The following PCDHA7 variants were observed in gnomAD, a reference collection of about 807,000 sequenced individuals.
PCDHA7 encodes the protein protocadherin alpha-7.
Under a neutral mutation model 57.2 loss-of-function variants are expected in PCDHA7, and 37 were observed. That is an observed-to-expected ratio of 0.65 (90% CI 0.50 to 0.85). PCDHA7 has a LOEUF of 0.85. Among genes scored for constraint, PCDHA7 ranks in the 40% least tolerant of loss-of-function variants. The pLI is 0.00. For synonymous variants in PCDHA7, 553 were observed against 558.8 expected (o/e 0.99, Z 0.15); for missense variants, 1,188 against 1,241.8 (o/e 0.96, Z 0.65).
chr5:140,888,712 A>G (rs567823119), intron 1 of PCDHA7, among the ~76,000 whole-genome samples: 34 of 152,168 alleles, frequency 2.2e-4, no homozygotes, highest in Non-Finnish European at 4.1e-4. Flanking sequence ...GGAATGTGAA[A>G]TATTTCCAGC....
chr5:140,871,436 G>A, intron 1 of PCDHA7: 1 of 1,612,324 alleles, frequency 6.2e-7, no homozygotes, highest in East Asian at 2.2e-5. Context: ...CTTCCTCTAG[G>A]TCTGAATAAA....
intron 1 of PCDHA7, among the ~76,000 whole-genome samples, chr5:140,899,982 A>AT (rs1290251020): frequency 2.0e-5 from 3 of 150,600 alleles, no homozygotes; most frequent in African/African-American, 4.9e-5. Context: ...TACTTTTTTG[A>AT]TTTTTTTTGT....
rs539970308 is a variant in PCDHA7 at position 140,890,959 on chromosome 5, G to GGTTTT, written c.2355+54227_2355+54231dup. 2.6e-4 allele frequency among the ~76,000 whole-genome samples: 40 copies of GGTTTT among 152,148 alleles called. 1 individual carries two copies. In the South Asian group the frequency reaches 8.1e-3, roughly 31 times the overall value. On this transcript the variant is annotated intron_variant, in intron 1 of 3. Transcript: ENST00000525929. ...AAGATGCTGGTGAGGAATGATTTCAGGTTTTGTTTTTCTGAAAATGTCTTT... is the reference window on the plus strand; with the variant it reads ...AAGATGCTGGTGAGGAATGATTTCAGGTTTTGTTTTGTTTTTCTGAAAATGTCTTT...
intron 1 of PCDHA7, among the ~76,000 whole-genome samples, chr5:140,921,833 T>C (rs1228666561): frequency 1.3e-5 from 2 of 152,094 alleles, no homozygotes; most frequent in Admixed American, 6.6e-5. Flanking sequence ...TATACACATA[T>C]AGACATATTT....
chr5:140,836,466 G>C lies in PCDHA7; in HGVS notation c.2083G>C (p.Asp695His), dbSNP rs1554135989. ...GIAGPETELV[D>H]VNVYLIIAIC... is the part of the protein sequence containing the mutation. The stretch of plus-strand genomic sequence containing the variant: ...TGCAGGCCCAGAGACCGAGCTGGTG[G>C]ATGTCAACGTGTACCTGATCATCGC... The change falls in exon 1 of 4, where the codon GAT (aspartate) becomes CAT (histidine). Residue 695 changes from aspartate (D) to histidine (H), a missense_variant. This residue lies in a region of PCDHA7 where 892 missense variants were observed against 788.5 expected (regional missense o/e 1.13). Coordinates refer to ENST00000525929, the MANE Select transcript of PCDHA7 (RefSeq NM_018910.3). 1.2e-6 allele frequency: 2 copies of C among 1,613,862 alleles called. No homozygotes were observed. Among genetic ancestry groups the C allele is most frequent in the Non-Finnish European group, 1.7e-6 (2 of 1,179,872 alleles).
intron 1 of PCDHA7, chr5:140,854,677 A>G (rs1450428296): frequency 6.7e-6 from 1 of 150,054 alleles, no homozygotes; most frequent in African/African-American, 2.4e-5. Context: ...CATAAGACCA[A>G]TATGTCTGTT....
At chr5:140,871,521 CA>C in intron 1 of PCDHA7, 1 of 1,553,236 alleles carries the variant, frequency 6.4e-7, no homozygotes, top group Non-Finnish European at 8.7e-7. Context: ...TTCCACCTAT[CA>C]GGAAGTGTAT....
intron 1 of PCDHA7, chr5:140,875,896 G>C (rs1183868015): frequency 6.2e-7 from 1 of 1,614,078 alleles, no homozygotes; most frequent in African/African-American, 1.3e-5. Context: ...AAAGGTACCT[G>C]TTTCTGAATC....
chr5:140,983,746 T>A (rs1206745225), intron 3 of PCDHA7, among the ~76,000 whole-genome samples: 2 of 152,228 alleles, frequency 1.3e-5, no homozygotes, highest in East Asian at 3.8e-4. Flanking sequence ...CTTGCAATAA[T>A]CCATTCAAAT....
At chr5:140,905,130 G>A (rs2071615464) in intron 1 of PCDHA7, among the ~76,000 whole-genome samples, 1 of 152,178 alleles carries the variant, frequency 6.6e-6, no homozygotes, top group African/African-American at 2.4e-5. Flanking sequence ...GTCTAGAAGA[G>A]TTTTTCTGCT....
At chr5:140,867,183 G>A (rs1035791499) in intron 1 of PCDHA7, 3 of 151,946 alleles carry the variant, frequency 2.0e-5, no homozygotes, top group Non-Finnish European at 4.4e-5. Flanking sequence ...TCCCTACCTC[G>A]CAAGACTCCA....
chr5:140,929,480 G>C, intron 1 of PCDHA7: 1 of 1,195,420 alleles, frequency 8.4e-7, no homozygotes, highest in Non-Finnish European at 1.1e-6. Context: ...TGGAAGTATA[G>C]AAGTATTAGA....
rs2098423382 is a variant in PCDHA7, at chr5:141,012,241, T to C, written c.*2304T>C. On this transcript the variant is annotated 3_prime_UTR_variant, in exon 4 of 4. Coordinates refer to ENST00000525929, the MANE Select transcript of PCDHA7 (RefSeq NM_018910.3). ...GTGCTTTCCAATCCATGTTAGTTAC[T>C]AGTTATTACAGCTGTAAGGATAAAA... 6.5e-6 allele frequency: 1 copy of C among 153,802 alleles called. No homozygotes were observed. The highest frequency in any genetic ancestry group is 6.5e-5 in the Admixed American group (1 of 15,284). The allele number at this position is 153,802 out of a possible 1,614,324, so 9.5% of individuals were successfully genotyped here.
In PCDHA7 at chr5:140,843,235, C is replaced by G. The variant is rs2150355590; in HGVS notation, c.2355+6497C>G. On this transcript the variant is annotated intron_variant, in intron 1 of 3. Coordinates refer to ENST00000525929, the MANE Select transcript of PCDHA7 (RefSeq NM_018910.3). ...AGATCAGCACCACTCGTGTCCTGGACGAAGCGGACTCTCCGCGCCACCGTC... is the reference window on the plus strand; with the variant it reads ...AGATCAGCACCACTCGTGTCCTGGAGGAAGCGGACTCTCCGCGCCACCGTC... 1.0e-5 allele frequency: 16 copies of G among 1,595,840 alleles called. 2 individuals are homozygous for G. The African/African-American group carries it at 1.2e-4, about 12-fold the overall frequency.
chr5:140,993,012 C>G (rs1307637137), intron 3 of PCDHA7, among the ~76,000 whole-genome samples: 2 of 152,198 alleles, frequency 1.3e-5, no homozygotes, highest in Admixed American at 1.3e-4. Context: ...CCCCAGAGTC[C>G]AGCATCCCCT....
intron 3 of PCDHA7, among the ~76,000 whole-genome samples, chr5:140,996,043 C>T (rs1282990779): frequency 6.6e-6 from 1 of 152,202 alleles, no homozygotes; most frequent in Non-Finnish European, 1.5e-5. Context: ...GCACTTAACA[C>T]AGTGCTTGGC....
At chr5:140,885,832 T>C (rs888778134) in intron 1 of PCDHA7, among the ~76,000 whole-genome samples, 1 of 152,244 alleles carries the variant, frequency 6.6e-6, no homozygotes, top group South Asian at 2.1e-4. Flanking sequence ...TTCTTTGATT[T>C]ATCCATTAAG....
chr5:140,941,239 C>CTTTCTTTCTTTCTTTA (rs2092937531), intron 1 of PCDHA7, among the ~76,000 whole-genome samples: 1 of 134,502 alleles, frequency 7.4e-6, no homozygotes, highest in African/African-American at 2.9e-5. Context: ...TTCTTTCTTT[C>CTTTCTTTCTTTCTTTA]TTTCTTTCTT....
chr5:141,000,734 T>A (rs1221425075), intron 3 of PCDHA7, among the ~76,000 whole-genome samples: 4 of 150,588 alleles, frequency 2.7e-5, no homozygotes, highest in Non-Finnish European at 4.4e-5. Flanking sequence ...GGCCCCTATC[T>A]CTGTATATTA....
Sources: gnomAD v4.1 joint callset for allele counts (sites outside exome capture counted in the v4.1 genomes callset) on GRCh38, gnomAD v4.1.1 for gene constraint, gnomAD v4.1.1 regional missense constraint, MANE v1.5 for transcripts, NCBI Gene and HGNC (gene_info 2026-07-23, HGNC 2026-07-21) for gene names.